Variants in DCTD observed in about 807,000 individuals in gnomAD.
The protein encoded by DCTD is dCMP deaminase.
Under a neutral mutation model 21.0 loss-of-function variants are expected in DCTD, and 23 were observed. The observed-to-expected ratio is 1.09, with a 90% CI of 0.79 to 1.55. DCTD has a LOEUF of 1.55. Among genes scored for constraint, DCTD ranks in the 40% most tolerant of loss-of-function variants. The pLI is 0.00. For missense variants in DCTD, 224 were observed against 230.0 expected (o/e 0.97, Z 0.17); for synonymous variants, 71 against 81.1 (o/e 0.88, Z 0.67).
chr4:182,897,168 T>C lies in DCTD; in HGVS notation c.245-2563A>G, dbSNP rs1213556029. 5.3e-5 allele frequency among the ~76,000 whole-genome samples: 8 copies of C among 152,272 alleles called. No homozygotes were observed. In the East Asian group the frequency reaches 1.5e-3, roughly 29 times the overall value. The stretch of plus-strand genomic sequence containing the variant: ...AATTACCATATGAAACAGATTCTCT[T>C]GGGCAGCATCTGACATCCCTGTGTA... On this transcript the variant is annotated intron_variant, in intron 3 of 5. Transcript: ENST00000438320.
rs1302390223 is a variant in DCTD at position 182,894,582 on chromosome 4, T to C, written c.268A>G (p.Ile90Val). 1.2e-6 allele frequency: 2 copies of C among 1,613,856 alleles called. No individual in the cohort carries two copies. Among genetic ancestry groups the C allele is most frequent in the African/African-American group, 2.7e-5 (2 of 74,940 alleles). Residue 90 changes from isoleucine (I) to valine (V), a missense_variant, in exon 4 of 6, where the codon ATC (isoleucine) becomes GTC (valine). By Grantham distance (29) the Ile-to-Val change is conservative (BLOSUM62 3). Transcript: ENST00000438320. ...PYVCHAELNA[I>V]MNKNSTDVKG... is the part of the protein sequence containing the mutation. ...ACATCGGTCGAATTTTTGTTCATGA[T>C]GGCATTCAGCTCCGCATGGCACACT...
At chr4:182,912,830 C>G (rs1005365672) in intron 3 of DCTD, among the ~76,000 whole-genome samples, 15 of 152,134 alleles carry the variant, frequency 9.9e-5, no homozygotes, top group African/African-American at 3.6e-4. Flanking sequence ...AAGGCACAGG[C>G]CCCATTGGGA....
At chr4:182,895,474 G>A (rs904375297) in intron 3 of DCTD, among the ~76,000 whole-genome samples, 10 of 152,150 alleles carry the variant, frequency 6.6e-5, no homozygotes, top group Non-Finnish European at 1.2e-4. Context: ...GGTCACATCC[G>A]GACCTGCCTG....
rs1734352307 is a variant in DCTD at position 182,894,446 on chromosome 4, G to A, written c.361+43C>T. On this transcript the variant is annotated intron_variant, in intron 4 of 5. Coordinates refer to ENST00000438320, the MANE Select transcript of DCTD (RefSeq NM_001921.3). ...ATCAGCAATGAGCTACTGACGAGCA[G>A]GCAGCAATGCAAATGTGACAAATGG... The A allele has an allele frequency of 9.4e-6, 11 of 1,165,358 alleles. No individual in the cohort carries two copies. The East Asian group carries it at 2.6e-4, about 27-fold the overall frequency. 72.2% of individuals were successfully genotyped at this position (1,165,358 alleles called of 1,614,324 possible).
intron 3 of DCTD, among the ~76,000 whole-genome samples, chr4:182,901,916 C>T (rs1470635060): frequency 2.6e-5 from 4 of 152,092 alleles, no homozygotes; most frequent in African/African-American, 4.8e-5. Flanking sequence ...AGTTGCTAAA[C>T]CTGGACATGT....
chr4:182,910,765 C>T (rs1440482653), intron 3 of DCTD, among the ~76,000 whole-genome samples: 1 of 152,126 alleles, frequency 6.6e-6, no homozygotes, highest in African/African-American at 2.4e-5. Flanking sequence ...ATTAATACTA[C>T]ATTATAATAA....
At position 182,915,495 on chromosome 4, in the gene DCTD, A is replaced by G. The variant is rs1170671935; in HGVS notation, c.74T>C (p.Leu25Ser). Reference protein sequence around the residue: ...WPEYFMAVAFLSAQRSKDPNS... With the variant: ...WPEYFMAVAFSSAQRSKDPNS... ...TGGATCTTTGCTTCTCTGTGCTGAT[A>G]AGAAGGCCACAGCCATAAAATACTC... Residue 25 changes from leucine to serine, a missense_variant, in exon 2 of 6, where the codon TTA (leucine) becomes TCA (serine). Leu to Ser is a moderately radical substitution (Grantham distance 145). Transcript: ENST00000438320. 6 of 1,613,144 alleles carry G rather than the reference A, an allele frequency of 3.7e-6. No homozygotes were observed. In the African/African-American group the frequency reaches 6.7e-5, roughly 18 times the overall value.
At chr4:182,898,548 T>C (rs959744136) in intron 3 of DCTD, among the ~76,000 whole-genome samples, 1 of 152,206 alleles carries the variant, frequency 6.6e-6, no homozygotes, top group Non-Finnish European at 1.5e-5. Context: ...TGACTTTCTC[T>C]AAAACAAGCT....
chr4:182,905,223 G>C lies in DCTD; in HGVS notation c.244+9700C>G, dbSNP rs968070967. ...GCTGAAACTGTACTTGGCTGAAACT[G>C]TACTTGGCAATATCACCTCTGACCT... On this transcript the variant is annotated intron_variant, in intron 3 of 5. Coordinates refer to ENST00000438320, the MANE Select transcript of DCTD (RefSeq NM_001921.3). Among the ~76,000 whole-genome samples the C allele has an allele frequency of 8.6e-5, 13 of 151,558 alleles. 1 individual carries two copies. The highest frequency in any genetic ancestry group is 7.2e-4 in the Admixed American group (11 of 15,204).
intron 3 of DCTD, among the ~76,000 whole-genome samples, chr4:182,906,870 G>A (rs1210268587): frequency 2.0e-5 from 3 of 152,180 alleles, no homozygotes; most frequent in Non-Finnish European, 2.9e-5. Context: ...GGTTGGCACC[G>A]ACCCTTCAGA....
chr4:182,896,165 A>T (rs1734690433), intron 3 of DCTD, among the ~76,000 whole-genome samples: 1 of 152,194 alleles, frequency 6.6e-6, no homozygotes, highest in African/African-American at 2.4e-5. Flanking sequence ...CATACATTTC[A>T]GTCCCGACTC....
chr4:182,891,207 A>C lies in DCTD; in HGVS notation c.*192T>G, dbSNP rs1733681626. ...GCTCCCCTATTTTAAACCCTAAAGC[A>C]ATAGTTCAAACACATGTAGATTCCA... is the stretch of plus-strand genomic sequence containing the variant. On this transcript the variant is annotated 3_prime_UTR_variant, in exon 6 of 6. Transcript: ENST00000438320. 5.4e-6 allele frequency: 3 copies of C among 551,532 alleles called. No individual in the cohort carries two copies. Among genetic ancestry groups the C allele is most frequent in the Non-Finnish European group, 9.7e-6 (3 of 309,674 alleles). 34.2% of individuals were successfully genotyped at this position (551,532 alleles called of 1,614,324 possible).
intron 3 of DCTD, among the ~76,000 whole-genome samples, chr4:182,904,472 G>A (rs1375145722): frequency 6.6e-6 from 1 of 152,176 alleles, no homozygotes; most frequent in Non-Finnish European, 1.5e-5. Context: ...TGTGTTAATA[G>A]CGTTTAGAGG....
chr4:182,902,179 G>A (rs1032686668), intron 3 of DCTD, among the ~76,000 whole-genome samples: 2 of 152,122 alleles, frequency 1.3e-5, no homozygotes, highest in Admixed American at 6.5e-5. Context: ...ATTTAACAAC[G>A]GAATAGCCGC....
upstream of DCTD, chr4:182,917,547 G>T: frequency 4.4e-6 from 1 of 225,812 alleles, no homozygotes; most frequent in Non-Finnish European, 7.9e-6. The surrounding 1 kb of genome is among the most constrained non-coding windows in gnomAD (Gnocchi z 4.9). Flanking sequence ...GTCGCCGTAC[G>T]CCTCCCGGTC....
At chr4:182,913,027 A>C (rs919028422) in intron 3 of DCTD, among the ~76,000 whole-genome samples, 9 of 152,216 alleles carry the variant, frequency 5.9e-5, no homozygotes, top group African/African-American at 2.2e-4. Flanking sequence ...AGTTCAATGC[A>C]GACCTTTAAC....
intron 3 of DCTD, among the ~76,000 whole-genome samples, chr4:182,903,300 C>G (rs1736078616): frequency 6.6e-6 from 1 of 152,200 alleles, no homozygotes; most frequent in Non-Finnish European, 1.5e-5. Context: ...CTGCACCCGA[C>G]AGCCTACCTG....
upstream of DCTD, chr4:182,917,414 G>T (rs548624068): frequency 8.5e-5 from 89 of 1,046,060 alleles, no homozygotes; most frequent in Admixed American, 1.6e-4. The surrounding 1 kb of genome is among the most constrained non-coding windows in gnomAD (Gnocchi z 4.9). Flanking sequence ...GGGCCGGAAG[G>T]GGGCAGCGGC....
rs1435253624 is a variant in DCTD, at chr4:182,894,539, T to C, written c.311A>G (p.Tyr104Cys). The change falls in exon 4 of 6, where the codon TAT becomes TGT. Residue 104 changes from tyrosine (Y) to cysteine (C), a missense_variant. Tyr to Cys is a radical substitution (Grantham distance 194). Coordinates refer to ENST00000438320, the MANE Select transcript of DCTD (RefSeq NM_001921.3). ...TTCATTACAAGGGAACAAGGCAACA[T>C]ACATACTACAGCCTTTCACATCGGT... ...NSTDVKGCSM[Y>C]VALFPCNECA... 4 of 1,614,000 alleles carry C rather than the reference T, an allele frequency of 2.5e-6. No homozygotes were observed. The highest frequency in any genetic ancestry group is 1.1e-5 in the South Asian group (1 of 91,082).
Sources: allele counts gnomAD v4.1 joint callset (sites outside exome capture counted in the v4.1 genomes callset), GRCh38; gene constraint gnomAD v4.1.1; non-coding constraint Gnocchi (gnomAD v3.1); transcripts MANE v1.5; gene names NCBI Gene and HGNC (gene_info 2026-07-23, HGNC 2026-07-21).